Variants in TAFA1 observed in about 807,000 individuals in gnomAD.
TAFA1 encodes chemokine-like protein TAFA-1.
In TAFA1, 4 loss-of-function variants were observed where a neutral mutation model predicts 18.5. The ratio of observed to expected loss-of-function variants is 0.22; its 90% CI spans 0.11 to 0.49. The LOEUF is 0.49. TAFA1 is among the 20% of genes least tolerant of loss of function. The pLI, the probability that TAFA1 is intolerant of heterozygous loss-of-function variation, is 0.98. For synonymous variants in TAFA1, 56 were observed against 55.2 expected (o/e 1.01, Z -0.06); for missense variants, 147 against 169.0 (o/e 0.87, Z 0.72).
chr3:68,315,871 T>C (rs2068597455), intron 2 of TAFA1, among the ~76,000 whole-genome samples: 1 of 152,206 alleles, frequency 6.6e-6, no homozygotes, highest in Non-Finnish European at 1.5e-5. Flanking sequence ...ACTGATAATG[T>C]GGTTGACAAA....
chr3:68,132,727 G>GT (rs1214165618), intron 2 of TAFA1, among the ~76,000 whole-genome samples: 1 of 151,950 alleles, frequency 6.6e-6, no homozygotes, highest in Admixed American at 6.6e-5. Context: ...GGGGTCATTT[G>GT]TTTTTTTCTT....
At chr3:68,338,304 G>A (rs1214519216) in intron 2 of TAFA1, among the ~76,000 whole-genome samples, 1 of 152,110 alleles carries the variant, frequency 6.6e-6, no homozygotes, top group Non-Finnish European at 1.5e-5. Flanking sequence ...ATTGCCTTTG[G>A]CTATGTTCTA....
the TAFA1 span, among the ~76,000 whole-genome samples, chr3:67,996,311 C>G: frequency 6.6e-6 from 1 of 152,064 alleles, no homozygotes; most frequent in East Asian, 1.9e-4. Flanking sequence ...CATGCTGGAT[C>G]TAGTTTTTAA....
intron 3 of TAFA1, among the ~76,000 whole-genome samples, chr3:68,429,744 C>T (rs1451378064): frequency 6.6e-6 from 1 of 151,812 alleles, no homozygotes; most frequent in Non-Finnish European, 1.5e-5. Context: ...TGAAATGCAT[C>T]CTCAAAACCC....
Position 68,509,029 on chromosome 3 carries a change from A to C in TAFA1, c.260-29727A>C, listed in dbSNP as rs562669614. 7.9e-5 allele frequency among the ~76,000 whole-genome samples: 12 copies of C among 152,208 alleles called. No homozygotes were observed. In the East Asian group the frequency reaches 2.1e-3, roughly 27 times the overall value. Reference sequence around the variant, plus strand: ...CTGGTCTGTCTAACCCAAGAGTCCAACTTGGTAATTGCTGTCACATTGGCC... The same window carrying C: ...CTGGTCTGTCTAACCCAAGAGTCCACCTTGGTAATTGCTGTCACATTGGCC... On this transcript the variant is annotated intron_variant, in intron 3 of 4. Transcript: ENST00000478136.
At chr3:68,484,008 A>T (rs2072287885) in intron 3 of TAFA1, among the ~76,000 whole-genome samples, 2 of 152,264 alleles carry the variant, frequency 1.3e-5, no homozygotes, top group African/African-American at 4.8e-5. Context: ...TGACAATACA[A>T]TGTGAATCAC....
intron 2 of TAFA1, among the ~76,000 whole-genome samples, chr3:68,129,573 G>A (rs568859235): frequency 6.6e-6 from 1 of 152,180 alleles, no homozygotes; most frequent in East Asian, 1.9e-4. Flanking sequence ...TTATGTCTTG[G>A]ACCTAGGCAA....
intron 2 of TAFA1, among the ~76,000 whole-genome samples, chr3:68,395,972 G>A (rs1008721940): frequency 1.3e-5 from 2 of 151,504 alleles, no homozygotes; most frequent in Non-Finnish European, 2.9e-5. Flanking sequence ...ATATCTACTG[G>A]CATTCTCCCC....
At chr3:68,072,270 C>T (rs565966848) in intron 2 of TAFA1, among the ~76,000 whole-genome samples, 2 of 152,244 alleles carry the variant, frequency 1.3e-5, no homozygotes, top group African/African-American at 4.8e-5. Flanking sequence ...TCATGAGCAA[C>T]AGCACAGATA....
intron 2 of TAFA1, among the ~76,000 whole-genome samples, chr3:68,071,908 GC>G (rs1327097117): frequency 6.6e-6 from 1 of 151,766 alleles, no homozygotes; most frequent in Non-Finnish European, 1.5e-5. Flanking sequence ...TGAGGGATCC[GC>G]CCCCATGTCC....
chr3:68,034,118 C>T (rs1704995462), intron 2 of TAFA1, among the ~76,000 whole-genome samples: 1 of 152,120 alleles, frequency 6.6e-6, no homozygotes, highest in Admixed American at 6.6e-5. Flanking sequence ...TAACCACCTC[C>T]AGTGTCCATG....
intron 2 of TAFA1, among the ~76,000 whole-genome samples, chr3:68,312,531 T>C (rs759682396): frequency 1.3e-5 from 2 of 152,184 alleles, no homozygotes; most frequent in African/African-American, 4.8e-5. Context: ...GGACAAAATG[T>C]CACTAGTCTC....
chr3:68,203,086 T>C (rs775304917), intron 2 of TAFA1, among the ~76,000 whole-genome samples: 6 of 151,766 alleles, frequency 4.0e-5, no homozygotes, highest in East Asian at 2.0e-4. Context: ...TCTACACTTC[T>C]GTTTTTTCTT....
intron 2 of TAFA1, among the ~76,000 whole-genome samples, chr3:68,345,649 A>G (rs1057472066): frequency 3.9e-5 from 6 of 152,180 alleles, no homozygotes; most frequent in African/African-American, 1.4e-4. Context: ...ATACCATCTC[A>G]TTCAAGTCTT....
chr3:68,271,838 A>T lies in TAFA1; in HGVS notation c.119-145442A>T, dbSNP rs201257454. ...CTATCTCTCTCTCTCTCTCTCTCTCACACACACACACACACACACACATTT... is the reference window on the plus strand; with the variant it reads ...CTATCTCTCTCTCTCTCTCTCTCTCTCACACACACACACACACACACATTT... On this transcript the variant is annotated intron_variant, in intron 2 of 4. Transcript: ENST00000478136. 7.4e-3 allele frequency among the ~76,000 whole-genome samples: 922 copies of T among 123,896 alleles called. 5 individuals carry two copies. The highest frequency in any genetic ancestry group is 0.021 in the East Asian group (86 of 4,066). 81.3% of individuals were successfully genotyped at this position (123,896 alleles called of 152,430 possible). A position where few individuals can be genotyped will look rare whatever the true frequency, so the allele number is the denominator to read the frequency against.
intron 2 of TAFA1, among the ~76,000 whole-genome samples, chr3:68,094,050 A>G (rs557721957): frequency 6.2e-4 from 95 of 152,278 alleles, no homozygotes; most frequent in Admixed American, 3.0e-3. Flanking sequence ...GTCAACATGT[A>G]TAAGGATTTT....
At chr3:68,435,067 G>A (rs538302139) in intron 3 of TAFA1, among the ~76,000 whole-genome samples, 1 of 152,094 alleles carries the variant, frequency 6.6e-6, no homozygotes, top group Non-Finnish European at 1.5e-5. Flanking sequence ...ATGGAGATGA[G>A]CCCAGAGTGC....
intron 2 of TAFA1, among the ~76,000 whole-genome samples, chr3:68,049,324 G>A (rs113919020): frequency 2.6e-5 from 4 of 152,214 alleles, no homozygotes; most frequent in East Asian, 1.9e-4. Flanking sequence ...CAGCCACCAG[G>A]TGTCTATGTG....
intron 2 of TAFA1, among the ~76,000 whole-genome samples, chr3:68,252,618 G>A (rs1344928865): frequency 6.6e-6 from 1 of 152,084 alleles, no homozygotes; most frequent in Non-Finnish European, 1.5e-5. Context: ...TATCATTGCA[G>A]GCACTGACAC....
Sources: allele counts gnomAD v4.1 joint callset (sites outside exome capture counted in the v4.1 genomes callset), GRCh38; gene constraint gnomAD v4.1.1; transcripts MANE v1.5; gene names NCBI Gene and HGNC (gene_info 2026-07-23, HGNC 2026-07-21).